Variants in HDAC9 observed in about 807,000 individuals in gnomAD.
HDAC9 encodes MEF-2 interacting transcription repressor (MITR) protein.
In HDAC9, 41 loss-of-function variants were observed where a neutral mutation model predicts 139.4. That is an observed-to-expected ratio of 0.29 (90% CI 0.23 to 0.38). HDAC9 has a LOEUF of 0.38. HDAC9 is among the 10% of genes least tolerant of loss of function. The probability of loss-of-function intolerance (pLI) is 1.00; values close to 1 mark genes in which losing one functional copy is unlikely to be tolerated. For missense variants in HDAC9, 1,147 were observed against 1,297.0 expected, an observed-to-expected ratio of 0.88 and a Z score of 1.78; for synonymous variants, 517 against 476.2, an observed-to-expected ratio of 1.09 and a Z score of -1.12.
chr7:18,113,663 T>C (rs1398266929), intron 1 of HDAC9, among the ~76,000 whole-genome samples: 1 of 152,240 alleles, frequency 6.6e-6, no homozygotes, highest in East Asian at 1.9e-4. Context: ...TTTAACACAC[T>C]CTTATTTGTA....
chr7:18,231,278 T>C (rs931129878), intron 2 of HDAC9, among the ~76,000 whole-genome samples: 15 of 152,224 alleles, frequency 9.9e-5, no homozygotes, highest in African/African-American at 3.4e-4. Flanking sequence ...TAAGCAGGGC[T>C]GCCATGTTCA....
chr7:18,549,989 A>G (rs542347516), intron 2 of HDAC9, among the ~76,000 whole-genome samples: 5 of 149,320 alleles, frequency 3.3e-5, no homozygotes, highest in African/African-American at 1.2e-4. Flanking sequence ...TTTCTTGCTT[A>G]GGAATGCCTT....
intron 23 of HDAC9, among the ~76,000 whole-genome samples, chr7:18,946,272 A>C (rs1782398740): frequency 6.6e-6 from 1 of 152,028 alleles, no homozygotes; most frequent in African/African-American, 2.4e-5. Flanking sequence ...TCTTGGCTAC[A>C]TTTGGCCCCA....
chr7:18,918,517 A>T (rs1803410880), intron 22 of HDAC9, among the ~76,000 whole-genome samples: 1 of 152,112 alleles, frequency 6.6e-6, no homozygotes, highest in African/African-American at 2.4e-5. Flanking sequence ...AAGAATAGAC[A>T]TAAGAATTTT....
At position 18,370,608 on chromosome 7, in the gene HDAC9, G is replaced by T. The variant is rs1784522689; in HGVS notation, c.-42+80093G>T. Among the ~76,000 whole-genome samples, 3 of 152,090 alleles carry T rather than the reference G, an allele frequency of 2.0e-5. No individual in the cohort carries two copies. The South Asian group carries it at 6.2e-4, about 31-fold the overall frequency. ...GTAAATCATAAGTGTGAGGCAATTG[G>T]ATCATTGTGCTCTGTAAGGAGCATA... On this transcript the variant is annotated intron_variant, in intron 1 of 3. Coordinates refer to the HDAC9 transcript ENST00000413509.
At chr7:18,895,124 A>C (rs899604805) in intron 22 of HDAC9, among the ~76,000 whole-genome samples, 4 of 152,152 alleles carry the variant, frequency 2.6e-5, no homozygotes, top group Non-Finnish European at 4.4e-5. Context: ...AGAACAACTT[A>C]TGAGCCCATG....
chr7:18,989,134 C>A (rs186092333), intron 25 of HDAC9, among the ~76,000 whole-genome samples: 2,172 of 142,438 alleles, frequency 0.015, 21 homozygotes, highest in Admixed American at 0.04. Flanking sequence ...TTTGCTCGTT[C>A]GTTGATGCAG....
chr7:18,921,133 G>T (rs1341646807), intron 22 of HDAC9, among the ~76,000 whole-genome samples: 1 of 152,104 alleles, frequency 6.6e-6, no homozygotes, highest in African/African-American at 2.4e-5. Context: ...AAAAACCGTA[G>T]AAGAAAACCT....
intron 2 of HDAC9, among the ~76,000 whole-genome samples, chr7:18,181,964 G>A (rs1283559287): frequency 1.3e-5 from 2 of 152,298 alleles, no homozygotes; most frequent in African/African-American, 2.4e-5. Flanking sequence ...GAAATTTGAA[G>A]ACGGAAGTGT....
At chr7:18,578,370 G>T (rs1407581096) in intron 2 of HDAC9, among the ~76,000 whole-genome samples, 1 of 152,166 alleles carries the variant, frequency 6.6e-6, no homozygotes, top group Non-Finnish European at 1.5e-5. Flanking sequence ...CTTTCCCCAG[G>T]TGGATTTTGG....
chr7:18,646,685 A>G (rs1033695097), intron 9 of HDAC9, among the ~76,000 whole-genome samples: 1 of 152,160 alleles, frequency 6.6e-6, no homozygotes, highest in South Asian at 2.1e-4. Context: ...ATTTTGAAAG[A>G]TGAAACATGA....
In HDAC9 at chr7:18,502,852, C is replaced by T. The variant is rs183491769; in HGVS notation, c.22+6528C>T. On this transcript the variant is annotated intron_variant, in intron 2 of 25. Transcript: ENST00000686413. ...ATGCCTTACAAGCATTTATTATAAACGTGAATAGAGTATTCCTTTAATGTT... is the reference window on the plus strand; with the variant it reads ...ATGCCTTACAAGCATTTATTATAAATGTGAATAGAGTATTCCTTTAATGTT... Among the ~76,000 whole-genome samples the T allele has an allele frequency of 2.4e-3, 369 of 152,040 alleles. 4 individuals are homozygous for T. Among genetic ancestry groups the T allele is most frequent in the Non-Finnish European group, 4.6e-4 (31 of 67,974 alleles).
intron 14 of HDAC9, among the ~76,000 whole-genome samples, chr7:18,751,792 C>T (rs531496370): frequency 6.6e-6 from 1 of 152,130 alleles, no homozygotes; most frequent in African/African-American, 2.4e-5. Flanking sequence ...TAAAACAGAA[C>T]TAAAAGGGAA....
At chr7:18,284,539 TTATA>T (rs1259150994) in intron 2 of HDAC9, among the ~76,000 whole-genome samples, 1 of 152,154 alleles carries the variant, frequency 6.6e-6, no homozygotes, top group Non-Finnish European at 1.5e-5. Context: ...CTGTATTCCA[TTATA>T]AAATCTTTGT....
At chr7:18,761,925 A>G (rs1043138716) in intron 14 of HDAC9, among the ~76,000 whole-genome samples, 6 of 152,166 alleles carry the variant, frequency 3.9e-5, no homozygotes, top group Admixed American at 1.3e-4. Flanking sequence ...ATGCCAAATA[A>G]GAATATACTT....
At chr7:18,510,317 A>G (rs1801104209) in intron 2 of HDAC9, among the ~76,000 whole-genome samples, 1 of 152,202 alleles carries the variant, frequency 6.6e-6, no homozygotes, top group Non-Finnish European at 1.5e-5. Context: ...TCTGCATTCA[A>G]AATGTGAAAT....
chr7:18,411,453 C>A (rs1428439824), intron 1 of HDAC9, among the ~76,000 whole-genome samples: 1 of 152,168 alleles, frequency 6.6e-6, no homozygotes, highest in Non-Finnish European at 1.5e-5. Flanking sequence ...TGGCTCACTG[C>A]AGCCTCCGCC....
At chr7:18,905,044 A>C (rs542686112) in intron 22 of HDAC9, among the ~76,000 whole-genome samples, 4 of 152,148 alleles carry the variant, frequency 2.6e-5, no homozygotes, top group Admixed American at 1.3e-4. Context: ...GCCTACGGTC[A>C]TGAGCCACCA....
chr7:18,412,989 AAT>A (rs1224053802), intron 1 of HDAC9, among the ~76,000 whole-genome samples: 2 of 152,186 alleles, frequency 1.3e-5, no homozygotes, highest in African/African-American at 2.4e-5. Context: ...AAGGTTTTAA[AAT>A]ATGTCCATCT....
Sources: allele counts gnomAD v4.1 joint callset (sites outside exome capture counted in the v4.1 genomes callset), GRCh38; gene constraint gnomAD v4.1.1; transcripts MANE v1.5; gene names NCBI Gene and HGNC (gene_info 2026-07-23, HGNC 2026-07-21).